The following TBC1D8 variants were observed in gnomAD, a reference collection of about 807,000 sequenced individuals.
TBC1D8 encodes TBC1 domain family member 8, also known as BUB2-like protein 1.
Under a neutral mutation model 118.8 loss-of-function variants are expected in TBC1D8, and 65 were observed. The observed-to-expected ratio is 0.55, with a 90% CI of 0.45 to 0.67. The LOEUF (loss-of-function observed/expected upper bound fraction) is 0.67. TBC1D8 is among the 30% of genes least tolerant of loss of function. The pLI, the probability that TBC1D8 is intolerant of heterozygous loss-of-function variation, is 0.00. For synonymous variants in TBC1D8, 566 were observed against 595.8 expected (o/e 0.95, Z 0.73); for missense variants, 1,376 against 1,471.2 (o/e 0.94, Z 1.06).
At chr2:101,061,396 G>A (rs185015736) in intron 2 of TBC1D8, among the ~76,000 whole-genome samples, 81 of 152,124 alleles carry the variant, frequency 5.3e-4, no homozygotes, top group African/African-American at 1.8e-3. Context: ...TGTTCTGAGC[G>A]GACACTTAGG....
At chr2:101,127,002 T>C (rs1678384600) in intron 1 of TBC1D8, among the ~76,000 whole-genome samples, 1 of 152,146 alleles carries the variant, frequency 6.6e-6, no homozygotes, top group South Asian at 2.1e-4. Flanking sequence ...CTCATAGGTA[T>C]TGGAATTCTG....
chr2:101,014,480 A>G (rs1404515759), intron 17 of TBC1D8, among the ~76,000 whole-genome samples: 1 of 152,166 alleles, frequency 6.6e-6, no homozygotes, highest in Non-Finnish European at 1.5e-5. Context: ...AATTTCATCA[A>G]CACATCATCC....
At chr2:101,053,481 T>C (rs1188699530) in intron 4 of TBC1D8, among the ~76,000 whole-genome samples, 1 of 152,216 alleles carries the variant, frequency 6.6e-6, no homozygotes, top group East Asian at 1.9e-4. Flanking sequence ...GCAGCATCCA[T>C]ACTACCCAAC....
At chr2:101,144,621 C>T (rs1679248201) in intron 1 of TBC1D8, among the ~76,000 whole-genome samples, 1 of 152,114 alleles carries the variant, frequency 6.6e-6, no homozygotes, top group African/African-American at 2.4e-5. Flanking sequence ...GAAAGAATTA[C>T]CAGATTTACT....
At chr2:101,074,917 C>T (rs1674712509) in intron 2 of TBC1D8, among the ~76,000 whole-genome samples, 1 of 152,162 alleles carries the variant, frequency 6.6e-6, no homozygotes. Flanking sequence ...CCCCTACAGC[C>T]TAAACTGTGG....
rs1397965878 is a variant in TBC1D8 at position 101,029,496 on chromosome 2, G to A, written c.2217C>T (p.Leu739=). 6.2e-7 allele frequency: 1 copy of A among 1,611,556 alleles called. No homozygotes were observed. Among genetic ancestry groups the A allele is most frequent in the East Asian group, 2.2e-5 (1 of 44,812 alleles). The part of the protein sequence containing the change: ...SKDDGQALMI[L]SRFLDHIKNE... ...AGAGGTGCAGCGGGGCCCACCTGCT[G>A]AGGATCATCAAGGCCTGGCCATCAT... is the stretch of plus-strand genomic sequence containing the variant. The change falls in exon 12 of 20, where the codon CTC becomes CTT. Residue 739 remains leucine, a synonymous_variant. Transcript: ENST00000409318.
chr2:101,050,529 C>T lies in TBC1D8; in HGVS notation c.744G>A (p.Met248Ile), dbSNP rs774633098. The T allele has an allele frequency of 1.2e-6, 2 of 1,613,970 alleles. No individual in the cohort carries two copies. Among genetic ancestry groups the T allele is most frequent in the East Asian group, 2.2e-5 (1 of 44,870 alleles). The stretch of plus-strand genomic sequence containing the variant: ...TAAACACCTCATCCAGGTTCAGGAA[C>T]ATGGAGAAGTCACGCTCCTTATTCT... ...TTQNKERDFSMFLNLDEVFKV... is the reference protein window; with the variant it reads ...TTQNKERDFSIFLNLDEVFKV... The change falls in exon 5 of 20, where the codon ATG becomes ATA. Residue 248 changes from methionine to isoleucine, a missense_variant. Physicochemically the swap from Met to Ile is conservative, Grantham distance 10 (BLOSUM62 1). Transcript: ENST00000409318.
intron 1 of TBC1D8, among the ~76,000 whole-genome samples, chr2:101,135,125 T>A (rs1678791314): frequency 6.6e-6 from 1 of 151,996 alleles, no homozygotes; most frequent in Non-Finnish European, 1.5e-5. Context: ...TGAGCCGAGA[T>A]CGCGCCACTG....
intron 1 of TBC1D8, among the ~76,000 whole-genome samples, chr2:101,092,195 T>C (rs1387322837): frequency 1.3e-5 from 2 of 152,252 alleles, no homozygotes; most frequent in East Asian, 3.8e-4. Flanking sequence ...CTTGACACTT[T>C]TGAAGCTTTA....
At chr2:101,069,423 C>T (rs1435849107) in intron 2 of TBC1D8, among the ~76,000 whole-genome samples, 1 of 151,904 alleles carries the variant, frequency 6.6e-6, no homozygotes, top group Non-Finnish European at 1.5e-5. Flanking sequence ...CCCGTCTCTA[C>T]TAAAAATACA....
chr2:101,135,959 A>G (rs1299949856), intron 1 of TBC1D8, among the ~76,000 whole-genome samples: 1 of 152,188 alleles, frequency 6.6e-6, no homozygotes, highest in East Asian at 1.9e-4. Context: ...TCAGGGCTCA[A>G]GTGATCCTCC....
At chr2:101,141,399 G>A (rs188812083) in intron 1 of TBC1D8, among the ~76,000 whole-genome samples, 1 of 152,202 alleles carries the variant, frequency 6.6e-6, no homozygotes, top group Non-Finnish European at 1.5e-5. Context: ...CATTCAATAT[G>A]TGCAAACACA....
At chr2:101,117,675 G>A (rs1023674470) in intron 1 of TBC1D8, among the ~76,000 whole-genome samples, 1 of 149,098 alleles carries the variant, frequency 6.7e-6, no homozygotes, top group Non-Finnish European at 1.5e-5. Context: ...CCGGGTTCAC[G>A]CCATTCTCCT....
At position 101,115,559 on chromosome 2, in the gene TBC1D8, T is replaced by C. The variant is rs565863686; in HGVS notation, c.128-25195A>G. On this transcript the variant is annotated intron_variant, in intron 1 of 19. Transcript: ENST00000409318. The stretch of plus-strand genomic sequence containing the variant: ...TGAGGCCAGGAGTTCAAGACCAGCC[T>C]GGCCAACACAGTGAAACCCCATCTC... 3.9e-5 allele frequency among the ~76,000 whole-genome samples: 6 copies of C among 152,260 alleles called. No homozygotes were observed. In the South Asian group the frequency reaches 6.2e-4, roughly 16 times the overall value.
intron 1 of TBC1D8, among the ~76,000 whole-genome samples, chr2:101,142,943 A>G (rs1229022834): frequency 6.6e-6 from 1 of 152,180 alleles, no homozygotes; most frequent in Admixed American, 6.5e-5. Context: ...CTTACCTTAA[A>G]TACTCTTATG....
intron 1 of TBC1D8, among the ~76,000 whole-genome samples, chr2:101,148,281 C>T (rs1318253614): frequency 6.6e-6 from 1 of 152,214 alleles, no homozygotes; most frequent in Non-Finnish European, 1.5e-5. Context: ...AATGCTGGGC[C>T]TCTACTCCCA....
intron 5 of TBC1D8, among the ~76,000 whole-genome samples, chr2:101,049,865 C>T (rs919068979): frequency 2.6e-5 from 4 of 151,238 alleles, no homozygotes; most frequent in South Asian, 2.1e-4. Flanking sequence ...CTTGTTCTGT[C>T]GCCCAGGCTG....
At chr2:101,060,766 G>A (rs1210161080) in intron 2 of TBC1D8, among the ~76,000 whole-genome samples, 1 of 152,206 alleles carries the variant, frequency 6.6e-6, no homozygotes, top group Non-Finnish European at 1.5e-5. Flanking sequence ...TGTTTCTACT[G>A]TAGGCAGGTT....
In TBC1D8 at chr2:101,007,765, GTC is replaced by G. The variant is rs1678838737; in HGVS notation, c.*54_*55del. 6 of 1,545,990 alleles carry G rather than the reference GTC, an allele frequency of 3.9e-6. No homozygotes were observed. In the South Asian group the frequency reaches 6.0e-5, roughly 15 times the overall value. ...GGTTTAGGGCTGACCCCAAGAAACA[GTC>G]TGGTTCGTGCTTTGGTATGGTGGAC... On this transcript the variant is annotated 3_prime_UTR_variant, in exon 20 of 20. Transcript: ENST00000409318.
Sources: allele counts gnomAD v4.1 joint callset (sites outside exome capture counted in the v4.1 genomes callset), GRCh38; gene constraint gnomAD v4.1.1; transcripts MANE v1.5; gene names NCBI Gene and HGNC (gene_info 2026-07-23, HGNC 2026-07-21).